Variants in ANKHD1 observed in about 807,000 individuals in gnomAD.
ANKHD1 encodes the protein ankyrin repeat and KH domain containing 1.
In ANKHD1, 31 loss-of-function variants were observed where a neutral mutation model predicts 230.5. The observed-to-expected ratio is 0.13, with a 90% confidence interval of 0.10 to 0.18. The LOEUF is 0.18. ANKHD1 is among the 10% of genes least tolerant of loss of function. ANKHD1 has a pLI of 1.00. For synonymous variants in ANKHD1, 1,074 were observed against 1,117.6 expected (o/e 0.96, Z 0.78); for missense variants, 2,256 against 3,071.3 (o/e 0.73, Z 6.27).
At position 140,529,175 on chromosome 5, in the gene ANKHD1, A is replaced by G. The variant is rs777401835; in HGVS notation, c.6229A>G (p.Thr2077Ala). 5.0e-6 allele frequency: 8 copies of G among 1,614,130 alleles called. No individual in the cohort carries two copies. In the South Asian group the frequency reaches 6.6e-5, roughly 13 times the overall value. Reference protein sequence around the residue: ...SSSPTPTSSNTQEEAQPSSVS... With the variant: ...SSSPTPTSSNAQEEAQPSSVS... ...TAGTCCCACTCCTACTTCCAGTAAC[A>G]CACAAGAGGAGGCACAGCCATCCAG... Residue 2077 changes from threonine to alanine, a missense_variant, in exon 29 of 34, where the codon ACA becomes GCA. Thr to Ala is a moderately conservative substitution (Grantham distance 58). Coordinates refer to ENST00000360839, the MANE Select transcript of ANKHD1 (RefSeq NM_017747.3).
intron 24 of ANKHD1, among the ~76,000 whole-genome samples, chr5:140,514,592 C>T (rs1346712315): frequency 6.6e-6 from 1 of 152,122 alleles, no homozygotes; most frequent in Non-Finnish European, 1.5e-5. Flanking sequence ...ATTCTTAAAC[C>T]ACCATCAATT....
At position 140,484,936 on chromosome 5, in the gene ANKHD1, T is replaced by G. The variant is rs990497881; in HGVS notation, c.1871-185T>G. ...TGGTATGTGGATAATGTTCTGTTTC[T>G]TCCTCTGGGTGCTGGTTACACAGGT... On this transcript the variant is annotated intron_variant, in intron 11 of 33. Coordinates refer to ENST00000360839, the MANE Select transcript of ANKHD1 (RefSeq NM_017747.3). The G allele has an allele frequency of 6.2e-6, 6 of 964,192 alleles. No homozygotes were observed. In the East Asian group the frequency reaches 1.5e-4, roughly 24 times the overall value. The allele number at this position is 964,192 out of a possible 1,614,324, so 59.7% of individuals were successfully genotyped here.
At chr5:140,426,355 C>G (rs953149043) in intron 1 of ANKHD1, among the ~76,000 whole-genome samples, 2 of 152,156 alleles carry the variant, frequency 1.3e-5, no homozygotes, top group South Asian at 4.1e-4. Context: ...TCTTGAACTC[C>G]TAACCTCAGG....
At position 140,472,282 on chromosome 5, in the gene ANKHD1, C is replaced by T. The variant is rs183178151; in HGVS notation, c.1782+7506C>T. On this transcript the variant is annotated intron_variant, in intron 10 of 33. Coordinates refer to ENST00000360839, the MANE Select transcript of ANKHD1 (RefSeq NM_017747.3). ...AAGACTATTTTGGAGGGCATAGATCCGGCCAAGCATCAGGTGAGGGTGGCC... is the reference window on the plus strand; with the variant it reads ...AAGACTATTTTGGAGGGCATAGATCTGGCCAAGCATCAGGTGAGGGTGGCC... The T allele has an allele frequency of 2.9e-5, 46 of 1,613,502 alleles. No individual in the cohort carries two copies. In the African/African-American group the frequency reaches 4.8e-4, roughly 17 times the overall value.
chr5:140,527,491 G>A lies in ANKHD1; in HGVS notation c.5088-382G>A, dbSNP rs1753657369. 4.8e-6 allele frequency: 1 copy of A among 210,226 alleles called. No individual in the cohort carries two copies. The highest frequency in any genetic ancestry group is 9.5e-6 in the Non-Finnish European group (1 of 105,200). The allele number at this position is 210,226 out of a possible 1,614,324, so 13.0% of individuals were successfully genotyped here. A position where few individuals can be genotyped will look rare whatever the true frequency, so the allele number is the denominator to read the frequency against. On this transcript the variant is annotated intron_variant, in intron 27 of 33. Transcript: ENST00000360839. This position sits in a 1 kb window ranked among gnomAD's most constrained non-coding sequence, Gnocchi z 4.5. ...ATACTGGTTTAAAATGAATATGCTA[G>A]CATAGTTATTCTGTGTGGATTTTAA...
chr5:140,444,556 C>G (rs1774125390), intron 5 of ANKHD1, among the ~76,000 whole-genome samples: 1 of 152,070 alleles, frequency 6.6e-6, no homozygotes, highest in East Asian at 1.9e-4. Flanking sequence ...TTACTTAATG[C>G]ATTTTGTTTG....
chr5:140,486,994 G>C lies in ANKHD1; in HGVS notation c.2179G>C (p.Val727Leu), dbSNP rs746951875. Residue 727 changes from valine (V) to leucine (L), a missense_variant, in exon 14 of 34, where the codon GTA becomes CTA. Physicochemically the swap from Val to Leu is conservative, Grantham distance 32 (BLOSUM62 1). This residue lies in a region of ANKHD1 where 358 missense variants were observed against 397.7 expected (regional missense o/e 0.90). Coordinates refer to ENST00000360839, the MANE Select transcript of ANKHD1 (RefSeq NM_017747.3). ...GCCAACGCATACACTTGCCATGGTT[G>C]TACCTCCCCAGGAACCTGACAGAAC... ...RVPTHTLAMVVPPQEPDRTSQ... is the reference protein window; with the variant it reads ...RVPTHTLAMVLPPQEPDRTSQ... The C allele has an allele frequency of 3.7e-6, 6 of 1,613,336 alleles. No individual in the cohort carries two copies. Among genetic ancestry groups the C allele is most frequent in the Non-Finnish European group, 8.5e-7 (1 of 1,179,606 alleles).
Position 140,472,541 on chromosome 5 carries a change from T to C in ANKHD1, c.1782+7765T>C, listed in dbSNP as rs1776565684. ...AAAAAATCTCTTAGGTGAAAATAGA[T>C]TTTCTTATTCAGGTAGTTCTTTTAC... is the stretch of plus-strand genomic sequence containing the variant. On this transcript the variant is annotated intron_variant, in intron 10 of 33. Coordinates refer to ENST00000360839, the MANE Select transcript of ANKHD1 (RefSeq NM_017747.3). 1.2e-5 allele frequency: 12 copies of C among 1,034,816 alleles called. No homozygotes were observed. The South Asian group carries it at 3.4e-4, about 30-fold the overall frequency. The allele number at this position is 1,034,816 out of a possible 1,614,324, so 64.1% of individuals were successfully genotyped here. A position where few individuals can be genotyped will look rare whatever the true frequency, so the allele number is the denominator to read the frequency against.
chr5:140,449,711 C>A (rs923162720), intron 7 of ANKHD1, among the ~76,000 whole-genome samples: 7 of 127,526 alleles, frequency 5.5e-5, no homozygotes, highest in African/African-American at 2.0e-4. Flanking sequence ...TATATAATTT[C>A]TTAATGCTAA....
intron 10 of ANKHD1, among the ~76,000 whole-genome samples, chr5:140,474,801 T>G (rs1332193173): frequency 6.6e-6 from 1 of 152,006 alleles, no homozygotes; most frequent in Non-Finnish European, 1.5e-5. Context: ...TCTTGCTATC[T>G]TGCCCAGACT....
chr5:140,481,011 T>A (rs1751250598), intron 10 of ANKHD1, among the ~76,000 whole-genome samples: 1 of 152,010 alleles, frequency 6.6e-6, no homozygotes. Flanking sequence ...GAGGTCTTCC[T>A]TGAGGAAATA....
At chr5:140,509,929 A>G in intron 21 of ANKHD1, 90 bp from the exon 22 acceptor site, 1 of 1,544,598 alleles carries the variant, frequency 6.5e-7, no homozygotes, top group Non-Finnish European at 8.7e-7. Context: ...ATTATTTGCA[A>G]GTTATTTTGT....
In ANKHD1 at chr5:140,430,570, A is replaced by G. The variant is rs147801731; in HGVS notation, c.307-5534A>G. Among the ~76,000 whole-genome samples, 548 of 152,138 alleles carry G rather than the reference A, an allele frequency of 3.6e-3. 1 individual carries two copies. Among genetic ancestry groups the G allele is most frequent in the Admixed American group, 6.3e-3 (97 of 15,286 alleles). ...ACATGGTTTCTGTACTCTATCACCAAGCCTTTTATATTAAGTATACAGAAT... is the reference window on the plus strand; with the variant it reads ...ACATGGTTTCTGTACTCTATCACCAGGCCTTTTATATTAAGTATACAGAAT... On this transcript the variant is annotated intron_variant, in intron 1 of 33. Transcript: ENST00000360839.
At chr5:140,509,482 T>C (rs1237652398) in intron 20 of ANKHD1, among the ~76,000 whole-genome samples, 155 bp from the exon 21 acceptor site, 1 of 152,232 alleles carries the variant, frequency 6.6e-6, no homozygotes, top group Non-Finnish European at 1.5e-5. Context: ...AGGCAAAATA[T>C]TGCTTAGCTC....
intron 24 of ANKHD1, 139 bp from the exon 25 acceptor site, chr5:140,523,927 A>AT: frequency 3.4e-6 from 4 of 1,170,176 alleles, no homozygotes; most frequent in Non-Finnish European, 4.5e-6. Flanking sequence ...TGTCCAGTTT[A>AT]TTTTTTCTTG....
Position 140,539,465 on chromosome 5 carries a change from T to C in ANKHD1, c.*47T>C. 6.4e-7 allele frequency: 1 copy of C among 1,559,532 alleles called. No individual in the cohort carries two copies. Among genetic ancestry groups the C allele is most frequent in the East Asian group, 2.3e-5 (1 of 43,878 alleles). Reference sequence around the variant, plus strand: ...AGCCTTGTTTAAGAAACCTATGACCTTGGAAGAACCATGGGGATTTTTTTT... The same window carrying C: ...AGCCTTGTTTAAGAAACCTATGACCCTGGAAGAACCATGGGGATTTTTTTT... On this transcript the variant is annotated 3_prime_UTR_variant, in exon 34 of 34. Transcript: ENST00000360839.
chr5:140,509,499 G>T, intron 20 of ANKHD1, 138 bp from the exon 21 acceptor site: 1 of 1,007,270 alleles, frequency 9.9e-7, no homozygotes. Context: ...GCTCTTTTAT[G>T]AGAGCTAATC....
chr5:140,461,839 A>G (rs1775722522), intron 9 of ANKHD1, among the ~76,000 whole-genome samples: 1 of 152,164 alleles, frequency 6.6e-6, no homozygotes, highest in Non-Finnish European at 1.5e-5. Context: ...GCAAATATCC[A>G]AGCCATTTTT....
Position 140,485,755 on chromosome 5 carries a change from TG to T in ANKHD1, c.2142+24del. On this transcript the variant is annotated intron_variant, in intron 13 of 33. Transcript: ENST00000360839. The surrounding 1 kb of genome is among the most constrained non-coding windows in gnomAD (Gnocchi z 4.8). ...CAGGTAAAGTAAAATGGAGCTTGTT[TG>T]TTAATATAAATATTCTTCAACATGA... is the stretch of plus-strand genomic sequence containing the variant. The T allele has an allele frequency of 6.2e-7, 1 of 1,608,436 alleles. No individual in the cohort carries two copies. The highest frequency in any genetic ancestry group is 8.5e-7 in the Non-Finnish European group (1 of 1,178,806).
Sources: allele counts gnomAD v4.1 joint callset (sites outside exome capture counted in the v4.1 genomes callset), GRCh38; gene constraint gnomAD v4.1.1; regional missense constraint gnomAD v4.1.1; non-coding constraint Gnocchi (gnomAD v3.1); transcripts MANE v1.5; gene names NCBI Gene and HGNC (gene_info 2026-07-23, HGNC 2026-07-21).